Variants in DPP6 observed in about 807,000 individuals in gnomAD.
DPP6 encodes A-type potassium channel modulatory protein DPP6.
DPP6 carries 69 observed loss-of-function variants against 122.6 expected under a neutral mutation model. That is an observed-to-expected ratio of 0.56 (90% CI 0.46 to 0.69). The LOEUF (loss-of-function observed/expected upper bound fraction) is 0.69. Ranked by LOEUF, DPP6 falls within the 30% of genes least tolerant of loss-of-function variation. The pLI is 0.00. For synonymous variants in DPP6, 418 were observed against 433.1 expected (o/e 0.97, Z 0.43); for missense variants, 928 against 1,116.9 (o/e 0.83, Z 2.41).
the DPP6 span, among the ~76,000 whole-genome samples, chr7:153,833,801 T>C: frequency 6.6e-6 from 1 of 152,176 alleles, no homozygotes; most frequent in Non-Finnish European, 1.5e-5. Context: ...AGTAACTCTA[T>C]CATAGGACTG....
intron 1 of DPP6, among the ~76,000 whole-genome samples, chr7:153,902,651 A>G (rs1373803185): frequency 1.3e-5 from 2 of 152,080 alleles, no homozygotes; most frequent in African/African-American, 4.8e-5. Flanking sequence ...CCTGGCCAAC[A>G]TGGTGAAACC....
At chr7:154,754,611 A>AAAGTC (rs1843567305) in intron 8 of DPP6, among the ~76,000 whole-genome samples, 1 of 152,258 alleles carries the variant, frequency 6.6e-6, no homozygotes, top group Admixed American at 6.5e-5. Flanking sequence ...GAGTAATAAC[A>AAAGTC]AAGTCAGTCT....
chr7:154,019,726 G>T (rs12535913), intron 1 of DPP6, among the ~76,000 whole-genome samples: 2 of 152,014 alleles, frequency 1.3e-5, no homozygotes, highest in Admixed American at 6.6e-5. Context: ...TTCTAAAGAT[G>T]GTGTTATTAT....
rs770829040 is a variant in DPP6, at chr7:154,109,854, C to CA, written c.243+56792dup. Among the ~76,000 whole-genome samples the CA allele has an allele frequency of 9.8e-4, 138 of 141,316 alleles. 1 individual carries two copies. Among genetic ancestry groups the CA allele is most frequent in the Non-Finnish European group, 1.6e-3 (105 of 65,812 alleles). The allele number at this position is 141,316 out of a possible 152,430, so 92.7% of individuals were successfully genotyped here. On this transcript the variant is annotated intron_variant, in intron 1 of 25. Coordinates refer to ENST00000377770, the MANE Select transcript of DPP6 (RefSeq NM_130797.4). ...TGTAGAACAAGGAGAGGGGACCCTC[C>CA]AGTACTCAGTGTCTTTAGTGGGTGG...
intron 5 of DPP6, among the ~76,000 whole-genome samples, chr7:154,616,485 G>C (rs1164278464): frequency 6.6e-6 from 1 of 152,232 alleles, no homozygotes; most frequent in Non-Finnish European, 1.5e-5. Flanking sequence ...AATACTGAGA[G>C]GGGTCTAAAA....
At chr7:154,213,359 G>A (rs1799838567) in intron 1 of DPP6, among the ~76,000 whole-genome samples, 1 of 152,190 alleles carries the variant, frequency 6.6e-6, no homozygotes, top group Non-Finnish European at 1.5e-5. Flanking sequence ...AGGTAGTCCA[G>A]GCCATGAAGG....
the DPP6 span, among the ~76,000 whole-genome samples, chr7:153,872,642 T>C: frequency 6.6e-6 from 1 of 152,198 alleles, no homozygotes; most frequent in African/African-American, 2.4e-5. Context: ...TACTCATTTA[T>C]ACAGCATGAT....
chr7:154,349,704 G>A (rs530206480), intron 1 of DPP6, among the ~76,000 whole-genome samples: 15 of 152,196 alleles, frequency 9.9e-5, no homozygotes, highest in African/African-American at 3.1e-4. Context: ...GTGACTTAAC[G>A]CCGTGTCAGC....
At chr7:154,848,640 C>A in intron 16 of DPP6, among the ~76,000 whole-genome samples, 1 of 152,276 alleles carries the variant, frequency 6.6e-6, no homozygotes, top group South Asian at 2.1e-4. Context: ...TAATTGCTTT[C>A]TTTGCTATGC....
At chr7:153,749,002 C>T in the DPP6 span, among the ~76,000 whole-genome samples, 1 of 152,254 alleles carries the variant, frequency 6.6e-6, no homozygotes, top group East Asian at 1.9e-4. This position sits in a 1 kb window ranked among gnomAD's most constrained non-coding sequence, Gnocchi z 4.1. Context: ...CGGGGAAAGG[C>T]CACAAGGTAA....
intron 12 of DPP6, among the ~76,000 whole-genome samples, chr7:154,800,986 C>T (rs528474726): frequency 6.6e-6 from 1 of 151,936 alleles, no homozygotes; most frequent in East Asian, 1.9e-4. Context: ...TTTCAATGGG[C>T]AATAATTCAA....
chr7:153,986,695 T>A (rs1483443594), intron 1 of DPP6, among the ~76,000 whole-genome samples: 1 of 152,214 alleles, frequency 6.6e-6, no homozygotes, highest in East Asian at 1.9e-4. Flanking sequence ...ATTCCGCAAG[T>A]GCTTCTTGTT....
Position 154,137,653 on chromosome 7 carries a change from G to T in DPP6, c.243+84590G>T, listed in dbSNP as rs1352645404. On this transcript the variant is annotated intron_variant, in intron 1 of 25. Coordinates refer to ENST00000377770, the MANE Select transcript of DPP6 (RefSeq NM_130797.4). ...CAGGAGGAGATGGTGGGGGGGGTGG[G>T]GGGGTGGGGGGGGTGGGGCGAGCTA... Among the ~76,000 whole-genome samples the T allele has an allele frequency of 4.2e-3, 251 of 59,506 alleles. 2 individuals are homozygous for T. The highest frequency in any genetic ancestry group is 0.013 in the Middle Eastern group (2 of 150). 39.0% of individuals were successfully genotyped at this position (59,506 alleles called of 152,430 possible).
intron 1 of DPP6, among the ~76,000 whole-genome samples, chr7:153,957,988 ACC>A (rs1795143822): frequency 6.6e-6 from 1 of 151,890 alleles, no homozygotes; most frequent in Non-Finnish European, 1.5e-5. Flanking sequence ...ACATAGTAAA[ACC>A]CCATCTCTAC....
intron 1 of DPP6, among the ~76,000 whole-genome samples, chr7:153,992,634 C>A (rs934431922): frequency 1.3e-5 from 2 of 152,236 alleles, no homozygotes; most frequent in Admixed American, 1.3e-4. Context: ...CAGGCCTAAT[C>A]ATGTCAATTC....
At chr7:154,801,727 T>C (rs1441078613) in intron 13 of DPP6, among the ~76,000 whole-genome samples, 1 of 152,044 alleles carries the variant, frequency 6.6e-6, no homozygotes, top group African/African-American at 2.4e-5. Context: ...CCCTGTTCAG[T>C]GTAAGGCCAA....
chr7:154,652,468 G>A (rs1836940272), intron 6 of DPP6, among the ~76,000 whole-genome samples: 1 of 150,980 alleles, frequency 6.6e-6, no homozygotes, highest in African/African-American at 2.4e-5. Flanking sequence ...CCCATGGAGA[G>A]CCTCATTAGT....
intron 1 of DPP6, among the ~76,000 whole-genome samples, chr7:154,097,201 C>T (rs765942504): frequency 3.3e-5 from 5 of 152,250 alleles, no homozygotes; most frequent in Non-Finnish European, 5.9e-5. Flanking sequence ...TGCATATCCA[C>T]AGTCAGGCGG....
rs60822369 is a variant in DPP6 at position 153,914,245 on chromosome 7, C to T, written c.51+26511C>T. Among the ~76,000 whole-genome samples the T allele has an allele frequency of 7.3e-3, 1,116 of 152,232 alleles. 13 individuals are homozygous for T. Among genetic ancestry groups the T allele is most frequent in the African/African-American group, 0.026 (1,071 of 41,530 alleles). On this transcript the variant is annotated intron_variant, in intron 1 of 25. Transcript: ENST00000404039. ...CCACCATGGAAGACGTGCCTTTTGC[C>T]TTCTGCCATGATTGTGAGCCCTCCC...
Sources: gnomAD v4.1 joint callset for allele counts (sites outside exome capture counted in the v4.1 genomes callset) on GRCh38, gnomAD v4.1.1 for gene constraint, Gnocchi (gnomAD v3.1) non-coding constraint, MANE v1.5 for transcripts, NCBI Gene and HGNC (gene_info 2026-07-23, HGNC 2026-07-21) for gene names.